The following PPM1H variants were observed in gnomAD, a reference collection of about 807,000 sequenced individuals.
PPM1H encodes the protein protein phosphatase, Mg2+/Mn2+ dependent 1H, also known as protein phosphatase 1H.
A neutral mutation model predicts 54.9 loss-of-function variants in PPM1H; 27 were observed. The observed-to-expected ratio is 0.49, with a 90% CI of 0.36 to 0.68. PPM1H has a LOEUF of 0.68. Among genes scored for constraint, PPM1H ranks in the 30% least tolerant of loss-of-function variants. The probability of loss-of-function intolerance (pLI) is 0.00; values close to 1 mark genes in which losing one functional copy is unlikely to be tolerated. For missense variants in PPM1H, 596 were observed against 667.8 expected, an observed-to-expected ratio of 0.89 and a Z score of 1.19; for synonymous variants, 305 against 270.8, an observed-to-expected ratio of 1.13 and a Z score of -1.24.
chr12:62,833,888 A>G (rs1404044478), intron 1 of PPM1H, among the ~76,000 whole-genome samples: 1 of 151,324 alleles, frequency 6.6e-6, no homozygotes, highest in Non-Finnish European at 1.5e-5. Flanking sequence ...TCAATTGACC[A>G]TATCATTGAT....
chr12:62,823,102 G>T (rs2076914579), intron 2 of PPM1H, among the ~76,000 whole-genome samples: 1 of 152,116 alleles, frequency 6.6e-6, no homozygotes, highest in Non-Finnish European at 1.5e-5. Flanking sequence ...TACCATCAGA[G>T]AATACTATAA....
rs558899877 is a variant in PPM1H at position 62,889,128 on chromosome 12, C to T, written c.245+45364G>A. 2.0e-5 allele frequency among the ~76,000 whole-genome samples: 3 copies of T among 152,270 alleles called. No individual in the cohort carries two copies. In the South Asian group the frequency reaches 6.2e-4, roughly 32 times the overall value. On this transcript the variant is annotated intron_variant, in intron 1 of 9. Coordinates refer to ENST00000228705, the MANE Select transcript of PPM1H (RefSeq NM_020700.2). ...TCTTAACCCACTTCCATTCCACAGT[C>T]AGAATTTCAAAATCAAAATCAAGAG...
chr12:62,650,877 C>T (rs1040263771), intron 9 of PPM1H, among the ~76,000 whole-genome samples: 14 of 152,074 alleles, frequency 9.2e-5, no homozygotes, highest in African/African-American at 2.7e-4. Flanking sequence ...GATTACAATT[C>T]GACATAAGAT....
At chr12:62,795,124 C>T (rs2076725017) in intron 3 of PPM1H, among the ~76,000 whole-genome samples, 1 of 152,112 alleles carries the variant, frequency 6.6e-6, no homozygotes, top group Non-Finnish European at 1.5e-5. Flanking sequence ...TGCCAGGCAA[C>T]CCGAGGACCA....
intron 1 of PPM1H, among the ~76,000 whole-genome samples, chr12:62,849,374 T>C (rs1869095651): frequency 6.6e-6 from 1 of 152,216 alleles, no homozygotes; most frequent in Non-Finnish European, 1.5e-5. Context: ...ATAGGGAAGG[T>C]ATTATCTGTC....
chr12:62,668,818 T>C (rs2075936531), intron 8 of PPM1H, among the ~76,000 whole-genome samples: 2 of 152,246 alleles, frequency 1.3e-5, no homozygotes, highest in Non-Finnish European at 2.9e-5. Flanking sequence ...TGTTTAGGTC[T>C]TTGAAAGCCA....
chr12:62,703,145 A>G (rs2076153412), intron 6 of PPM1H, among the ~76,000 whole-genome samples: 1 of 152,194 alleles, frequency 6.6e-6, no homozygotes, highest in Admixed American at 6.5e-5. Context: ...AACCGTAAGC[A>G]GGAAGACACA....
intron 6 of PPM1H, among the ~76,000 whole-genome samples, chr12:62,697,665 T>G (rs1189907742): frequency 6.6e-6 from 1 of 152,174 alleles, no homozygotes; most frequent in Non-Finnish European, 1.5e-5. Flanking sequence ...GCTTGAGAGC[T>G]CCAAGACATG....
intron 1 of PPM1H, among the ~76,000 whole-genome samples, chr12:62,853,088 G>A (rs533353498): frequency 2.0e-5 from 3 of 151,716 alleles, no homozygotes; most frequent in African/African-American, 4.8e-5. Flanking sequence ...GGATGGGGGC[G>A]GTGGAAATGC....
At chr12:62,651,220 C>T (rs1041856485) in intron 9 of PPM1H, among the ~76,000 whole-genome samples, 12 of 152,202 alleles carry the variant, frequency 7.9e-5, no homozygotes, top group African/African-American at 2.2e-4. Flanking sequence ...TTCACACTTA[C>T]GTGTGAAATG....
chr12:62,907,367 G>A (rs1277271377), intron 1 of PPM1H, among the ~76,000 whole-genome samples: 1 of 152,164 alleles, frequency 6.6e-6, no homozygotes, highest in East Asian at 1.9e-4. Context: ...ATGGAGTTCT[G>A]CAGAAATGAG....
intron 2 of PPM1H, among the ~76,000 whole-genome samples, chr12:62,817,137 G>GA (rs748440124): frequency 0.012 from 820 of 67,314 alleles, 10 homozygotes; most frequent in African/African-American, 0.045. Flanking sequence ...AAAAAAAAAA[G>GA]AAAAAAAAAA....
chr12:62,658,778 G>GT, intron 9 of PPM1H: 1 of 433,822 alleles, frequency 2.3e-6, no homozygotes, highest in Non-Finnish European at 4.3e-6. Context: ...AACTGTGATA[G>GT]AAAAGAAAGA....
chr12:62,817,756 C>T (rs1049939917), intron 2 of PPM1H, among the ~76,000 whole-genome samples: 2 of 152,152 alleles, frequency 1.3e-5, no homozygotes, highest in Admixed American at 6.5e-5. Context: ...AACCTCAGTT[C>T]GGAAAGTTGA....
At chr12:62,659,070 C>G (rs2075864493) in intron 9 of PPM1H, 2 of 727,954 alleles carry the variant, frequency 2.7e-6, no homozygotes, top group Non-Finnish European at 5.1e-6. Context: ...CGTCAAGGAG[C>G]CGGAAGTGCT....
intron 4 of PPM1H, among the ~76,000 whole-genome samples, chr12:62,757,748 G>A (rs2076484668): frequency 6.6e-6 from 1 of 152,170 alleles, no homozygotes; most frequent in African/African-American, 2.4e-5. Flanking sequence ...ATGTTTCTGT[G>A]TCCCAATTTC....
intron 5 of PPM1H, among the ~76,000 whole-genome samples, chr12:62,728,557 C>G (rs977692158): frequency 6.6e-6 from 1 of 152,200 alleles, no homozygotes; most frequent in Non-Finnish European, 1.5e-5. Context: ...CAGGAGGGAA[C>G]AAGCCTGAAG....
intron 7 of PPM1H, among the ~76,000 whole-genome samples, chr12:62,692,932 G>GACAC (rs71278272): frequency 0.046 from 6,752 of 146,394 alleles, 171 homozygotes; most frequent in Non-Finnish European, 0.062. Flanking sequence ...CTTTTGCTCT[G>GACAC]ACACACACAC....
chr12:62,841,347 T>TG (rs972458475), intron 1 of PPM1H, among the ~76,000 whole-genome samples: 4 of 152,060 alleles, frequency 2.6e-5, no homozygotes, highest in Admixed American at 2.6e-4. Flanking sequence ...TTTAAGTAGC[T>TG]GGGGGGAAAA....
Sources: allele counts gnomAD v4.1 joint callset (sites outside exome capture counted in the v4.1 genomes callset), GRCh38; gene constraint gnomAD v4.1.1; transcripts MANE v1.5; gene names NCBI Gene and HGNC (gene_info 2026-07-23, HGNC 2026-07-21).